PABPC1L: variants seen among roughly 807,000 people sequenced by gnomAD.
PABPC1L encodes the protein polyadenylate-binding protein 1-like.
PABPC1L carries 31 observed loss-of-function variants against 66.6 expected under a neutral mutation model. That is an observed-to-expected ratio of 0.47 (90% CI 0.35 to 0.63). The LOEUF is 0.63. PABPC1L is among the 20% of genes least tolerant of loss of function. The probability of loss-of-function intolerance (pLI) is 0.00; values close to 1 mark genes in which losing one functional copy is unlikely to be tolerated. For missense variants in PABPC1L, 722 were observed against 848.8 expected (o/e 0.85, Z 1.86); for synonymous variants, 348 against 335.1 (o/e 1.04, Z -0.42).
chr20:44,919,321 G>A, intron 5 of PABPC1L, 44 bp downstream of exon 5: 2 of 1,598,950 alleles, frequency 1.3e-6, no homozygotes, highest in Non-Finnish European at 1.7e-6. Flanking sequence ...GGGGGACCGA[G>A]CTGGGACTAA....
chr20:44,910,078 G>C lies in PABPC1L; in HGVS notation c.-66G>C. 3.6e-6 allele frequency: 5 copies of C among 1,394,268 alleles called. No individual in the cohort carries two copies. The highest frequency in any genetic ancestry group is 1.3e-5 in the South Asian group (1 of 75,006). The allele number at this position is 1,394,268 out of a possible 1,614,324, so 86.4% of individuals were successfully genotyped here. On this transcript the variant is annotated 5_prime_UTR_variant, in exon 1 of 15. Transcript: ENST00000217073. The stretch of plus-strand genomic sequence containing the variant: ...GCCCAGGAAGGAGGGCTTCCGCCCG[G>C]GTGAGCGCGGGGCTGCTGGGTGACC...
Position 44,910,098 on chromosome 20 carries a change from G to A in PABPC1L, c.-46G>A, listed in dbSNP as rs1460538735. 1.3e-6 allele frequency: 2 copies of A among 1,496,322 alleles called. No individual in the cohort carries two copies. Among genetic ancestry groups the A allele is most frequent in the African/African-American group, 2.9e-5 (2 of 70,050 alleles). The allele number at this position is 1,496,322 out of a possible 1,614,324, so 92.7% of individuals were successfully genotyped here. A position where few individuals can be genotyped will look rare whatever the true frequency, so the allele number is the denominator to read the frequency against. On this transcript the variant is annotated 5_prime_UTR_variant, in exon 1 of 15. In the 5' UTR this introduces an upstream ATG that the reference lacks. Coordinates refer to ENST00000217073, the MANE Select transcript of PABPC1L (RefSeq NM_001372179.1). ...GCCCGGGTGAGCGCGGGGCTGCTGG[G>A]TGACCCGGCTCCTGCTTGCCCCGCA...
intron 7 of PABPC1L, among the ~76,000 whole-genome samples, chr20:44,928,675 G>A (rs59085697): frequency 0.012 from 1,815 of 151,536 alleles, 30 homozygotes; most frequent in African/African-American, 0.039. Context: ...AAGCCCAGCC[G>A]GGGCAACAGG....
chr20:44,926,962 A>G (rs1335360823), intron 7 of PABPC1L, among the ~76,000 whole-genome samples: 2 of 151,758 alleles, frequency 1.3e-5, no homozygotes, highest in East Asian at 2.0e-4. Context: ...CACAACCTCA[A>G]CCTCCTGGGC....
At chr20:44,913,511 C>T (rs1380497768) in intron 2 of PABPC1L, among the ~76,000 whole-genome samples, 1 of 151,982 alleles carries the variant, frequency 6.6e-6, no homozygotes. Context: ...GTTCAAGCCT[C>T]CTGAGTTCAA....
Position 44,910,279 on chromosome 20 carries a change from G to A in PABPC1L, c.136G>A (p.Val46Ile), listed in dbSNP as rs763581948. 4 of 1,551,692 alleles carry A rather than the reference G, an allele frequency of 2.6e-6. No individual in the cohort carries two copies. Among genetic ancestry groups the A allele is most frequent in the Middle Eastern group, 1.7e-4 (1 of 5,962 alleles). ...CCTGTCCATCCGCGTGTGCCGCGAT[G>A]TAGCCACCCGGCGCTCGCTGGGCTA... ...PILSIRVCRD[V>I]ATRRSLGYAY... Residue 46 changes from valine (V) to isoleucine (I), a missense_variant, in exon 1 of 15, where the codon GTA becomes ATA. Transcript: ENST00000217073.
chr20:44,933,463 GA>G (rs1373223034), intron 10 of PABPC1L, among the ~76,000 whole-genome samples: 1 of 148,944 alleles, frequency 6.7e-6, no homozygotes, highest in Non-Finnish European at 1.5e-5. Flanking sequence ...TTTTCTTTTT[GA>G]GGCAGAATTT....
At chr20:44,931,816 C>G (rs974922902) in intron 8 of PABPC1L, 1 of 152,156 alleles carries the variant, frequency 6.6e-6, no homozygotes, top group African/African-American at 2.4e-5. Flanking sequence ...TTACTATCTA[C>G]ACTATTCTAC....
In PABPC1L at chr20:44,932,447, C is replaced by A; in HGVS notation, c.1330+15C>A. 1 of 1,602,222 alleles carries A rather than the reference C, an allele frequency of 6.2e-7. No individual in the cohort carries two copies. The highest frequency in any genetic ancestry group is 8.5e-7 in the Non-Finnish European group (1 of 1,171,358). ...TAGACCTTCCTGTGAGTGACCCAGCCCCTTCCACTCTCAGACTGGCCTATT... is the reference window on the plus strand; with the variant it reads ...TAGACCTTCCTGTGAGTGACCCAGCACCTTCCACTCTCAGACTGGCCTATT... On this transcript the variant is annotated intron_variant, in intron 9 of 14. Transcript: ENST00000217073.
chr20:44,917,023 G>A (rs1601108946), intron 3 of PABPC1L, 152 bp downstream of exon 3: 2 of 660,430 alleles, frequency 3.0e-6, no homozygotes, highest in East Asian at 5.5e-5. Flanking sequence ...CGGAGCAGCT[G>A]CTCAACCTCT....
chr20:44,915,660 A>G (rs1023016820), intron 2 of PABPC1L, among the ~76,000 whole-genome samples: 4 of 152,048 alleles, frequency 2.6e-5, no homozygotes, highest in East Asian at 1.9e-4. Flanking sequence ...CTAGCCAGGC[A>G]TGGTGGCATG....
rs1379721727 is a variant in PABPC1L, at chr20:44,933,118, C to G, written c.1392C>G (p.Ala464=). ...CAGTTGTGCCTCGGCGCCCCCCGGC[C>G]CACATCAGCAGTGTCAGGCAGGCCT... The part of the protein sequence containing the change: ...RPPVVPRRPP[A]HISSVRQAST... Residue 464 remains alanine, a synonymous_variant, in exon 10 of 15, where the codon GCC becomes GCG. Coordinates refer to ENST00000217073, the MANE Select transcript of PABPC1L (RefSeq NM_001372179.1). 1 of 1,609,194 alleles carries G rather than the reference C, an allele frequency of 6.2e-7. No individual in the cohort carries two copies.
intron 6 of PABPC1L, among the ~76,000 whole-genome samples, chr20:44,922,358 C>T (rs1279128509): frequency 6.6e-6 from 1 of 152,158 alleles, no homozygotes; most frequent in Non-Finnish European, 1.5e-5. Flanking sequence ...AAGTCTCAGC[C>T]TCCCAAGTAG....
Position 44,937,188 on chromosome 20 carries a change from A to T in PABPC1L, c.1660+458A>T, listed in dbSNP as rs151178329. 7.1e-4 allele frequency: 248 copies of T among 351,326 alleles called. 5 individuals carry two copies. The highest frequency in any genetic ancestry group is 9.6e-5 in the Non-Finnish European group (17 of 176,988). 21.8% of individuals were successfully genotyped at this position (351,326 alleles called of 1,614,324 possible). A position where few individuals can be genotyped will look rare whatever the true frequency, so the allele number is the denominator to read the frequency against. ...GTTTGGTAAATACATGATGTTTCCC[A>T]TAGATTCTGGATTCCTTGTGCAATT... is the stretch of plus-strand genomic sequence containing the variant. On this transcript the variant is annotated intron_variant, in intron 12 of 14. Coordinates refer to ENST00000217073, the MANE Select transcript of PABPC1L (RefSeq NM_001372179.1).
intron 1 of PABPC1L, among the ~76,000 whole-genome samples, chr20:44,911,059 A>G (rs958668035): frequency 1.1e-4 from 16 of 152,188 alleles, no homozygotes; most frequent in African/African-American, 2.9e-4. Context: ...AATAACATAA[A>G]GAATGGAGAA....
intron 10 of PABPC1L, among the ~76,000 whole-genome samples, chr20:44,934,010 C>T (rs1235378731): frequency 1.3e-5 from 2 of 152,166 alleles, no homozygotes; most frequent in Non-Finnish European, 2.9e-5. Context: ...CCTCGGCCTC[C>T]CAAAGTGCTG....
chr20:44,927,545 C>G (rs2066818568), intron 7 of PABPC1L, among the ~76,000 whole-genome samples: 1 of 151,756 alleles, frequency 6.6e-6, no homozygotes, highest in African/African-American at 2.4e-5. Context: ...GATGGGGTGT[C>G]ACTATTTTGG....
intron 7 of PABPC1L, 33 bp downstream of exon 7, chr20:44,924,289 T>C (rs757808699): frequency 3.9e-5 from 58 of 1,504,382 alleles, no homozygotes; most frequent in Non-Finnish European, 4.9e-5. Flanking sequence ...GGGGACAGCG[T>C]TCCCCTCCAT....
intron 6 of PABPC1L, among the ~76,000 whole-genome samples, chr20:44,923,103 C>T (rs1452751403): frequency 2.0e-5 from 3 of 152,212 alleles, no homozygotes; most frequent in Non-Finnish European, 4.4e-5. Context: ...CATTCATACA[C>T]TGTTGTGTTT....
Sources: gnomAD v4.1 joint callset for allele counts (sites outside exome capture counted in the v4.1 genomes callset) on GRCh38, gnomAD v4.1.1 for gene constraint, MANE v1.5 for transcripts, NCBI Gene and HGNC (gene_info 2026-07-23, HGNC 2026-07-21) for gene names.